The following APOO variants were observed in gnomAD, a reference collection of about 807,000 sequenced individuals.
APOO encodes the protein apolipoprotein O.
Under a neutral mutation model 23.1 loss-of-function variants are expected in APOO, and 11 were observed. That is an observed-to-expected ratio of 0.48 (90% CI 0.30 to 0.79). The LOEUF is 0.79. APOO is among the 30% of genes least tolerant of loss of function. The pLI is 0.07. For missense variants in APOO, 160 were observed against 142.7 expected, an observed-to-expected ratio of 1.12 and a Z score of -0.62; for synonymous variants, 59 against 54.8, an observed-to-expected ratio of 1.08 and a Z score of -0.34.
At chrX:23,882,014 G>A (rs1926170099) in intron 1 of APOO, among the ~76,000 whole-genome samples, 1 of 108,085 alleles carries the variant, frequency 9.3e-6, no homozygotes, top group Non-Finnish European at 1.9e-5. Flanking sequence ...CAGTTTTCTA[G>A]GAGGGACGTT....
At chrX:23,845,892 G>T (rs1465788162) in intron 7 of APOO, among the ~76,000 whole-genome samples, 1 of 111,957 alleles carries the variant, frequency 8.9e-6, no homozygotes, top group Non-Finnish European at 1.9e-5. Flanking sequence ...AATAATTAGT[G>T]TTGGCCTTCA....
chrX:23,898,857 C>T (rs890053180), intron 1 of APOO, among the ~76,000 whole-genome samples: 1 of 112,199 alleles, frequency 8.9e-6, no homozygotes, highest in African/African-American at 3.2e-5. Flanking sequence ...TCATTTTCAG[C>T]AAGCACAAAC....
At chrX:23,858,544 GTGT>G in intron 6 of APOO, 95 bp downstream of exon 6, 1 of 810,380 alleles carries the variant, frequency 1.2e-6, no homozygotes, top group East Asian at 3.3e-5. Flanking sequence ...TTTTAGTCTG[GTGT>G]TATAAGAACT....
intron 7 of APOO, 50 bp from the exon 8 acceptor site, chrX:23,840,427 C>T (rs747447350): frequency 1.9e-6 from 2 of 1,079,960 alleles, no homozygotes; most frequent in Non-Finnish European, 2.5e-6. Flanking sequence ...AGAAATAGTG[C>T]AACTCCTTAG....
chrX:23,849,937 T>C lies in APOO; in HGVS notation c.561+6365A>G, dbSNP rs149163463. On this transcript the variant is annotated intron_variant, in intron 7 of 8. Transcript: ENST00000379226. ...AAAGTTGTTTAAGGCAAGTACATTA[T>C]TGGGGCAACTAGGGAAATTTGAACA... is the stretch of plus-strand genomic sequence containing the variant. 8.6e-3 allele frequency among the ~76,000 whole-genome samples: 950 copies of C among 110,297 alleles called. 7 individuals are homozygous for C. Among genetic ancestry groups the C allele is most frequent in the African/African-American group, 0.029 (873 of 30,422 alleles).
Position 23,835,138 on chromosome X carries a change from C to T in APOO, c.*30-1526G>A, listed in dbSNP as rs1012576298. On this transcript the variant is annotated intron_variant, in intron 8 of 8. Coordinates refer to ENST00000379226, the MANE Select transcript of APOO (RefSeq NM_024122.5). ...GTACAGTGGCGTCCTCTCGGTTCAC[C>T]GCAACCTCCATCTCCCGGGTTCAAG... 8.1e-4 allele frequency among the ~76,000 whole-genome samples: 87 copies of T among 106,815 alleles called. 1 individual carries two copies. Among genetic ancestry groups the T allele is most frequent in the African/African-American group, 2.8e-3 (81 of 29,179 alleles). 92.8% of individuals were successfully genotyped at this position (106,815 alleles called of 115,157 possible).
At chrX:23,868,289 T>A (rs991040837) in intron 5 of APOO, among the ~76,000 whole-genome samples, 2 of 112,372 alleles carry the variant, frequency 1.8e-5, no homozygotes, top group Admixed American at 9.5e-5. Flanking sequence ...GTGAAACGTT[T>A]AGAAACAGTT....
intron 4 of APOO, among the ~76,000 whole-genome samples, chrX:23,869,010 G>C (rs183630252): frequency 9.3e-6 from 1 of 107,703 alleles, no homozygotes; most frequent in Non-Finnish European, 1.9e-5. Context: ...CCAGGTTCAA[G>C]CAATTCTCCT....
rs771631776 is a variant in APOO at position 23,865,420 on chromosome X, A to G, written c.388+3173T>C. Among the ~76,000 whole-genome samples the G allele has an allele frequency of 4.4e-3, 487 of 110,347 alleles. 1 individual carries two copies. Among genetic ancestry groups the G allele is most frequent in the Non-Finnish European group, 7.1e-3 (374 of 52,781 alleles). ...GGAGTTCGAGACAAGCCTGGTCAAC[A>G]TGGTGAAACCTCGTGTCTACTAAAA... On this transcript the variant is annotated intron_variant, in intron 5 of 8. Coordinates refer to ENST00000379226, the MANE Select transcript of APOO (RefSeq NM_024122.5).
At chrX:23,895,138 CAA>C (rs777554795) in intron 1 of APOO, among the ~76,000 whole-genome samples, 3 of 86,402 alleles carry the variant, frequency 3.5e-5, no homozygotes, top group Admixed American at 1.3e-4. Flanking sequence ...GACTCCGCCT[CAA>C]AAAAAAAAAA....
chrX:23,869,413 A>G (rs1451175341), intron 4 of APOO, among the ~76,000 whole-genome samples: 1 of 110,333 alleles, frequency 9.1e-6, no homozygotes, highest in Non-Finnish European at 1.9e-5. Flanking sequence ...CTTTGGATAG[A>G]TCTATTGCTA....
intron 1 of APOO, among the ~76,000 whole-genome samples, chrX:23,882,837 G>C (rs912366545): frequency 9.0e-6 from 1 of 110,760 alleles, no homozygotes; most frequent in Non-Finnish European, 1.9e-5. Context: ...TGTAGAGACA[G>C]GGTTTTGCCA....
rs1215835629 is a variant in APOO, at chrX:23,834,395, C to CAAA, written c.*30-786_*30-784dup. 2.7e-3 allele frequency among the ~76,000 whole-genome samples: 87 copies of CAAA among 31,892 alleles called. 1 individual carries two copies. The highest frequency in any genetic ancestry group is 7.9e-3 in the African/African-American group (77 of 9,714). 27.7% of individuals were successfully genotyped at this position (31,892 alleles called of 115,157 possible). A position where few individuals can be genotyped will look rare whatever the true frequency, so the allele number is the denominator to read the frequency against. ...TGGGCAACAGAGCAAAACTCTGTCTCAAAAAAAAAAAAAAAAAAAAGATTT... is the reference window on the plus strand; with the variant it reads ...TGGGCAACAGAGCAAAACTCTGTCTCAAAAAAAAAAAAAAAAAAAAAAAGATTT... On this transcript the variant is annotated intron_variant, in intron 8 of 8. Coordinates refer to ENST00000379226, the MANE Select transcript of APOO (RefSeq NM_024122.5).
At chrX:23,893,194 G>A (rs1926746840) in intron 1 of APOO, among the ~76,000 whole-genome samples, 1 of 107,415 alleles carries the variant, frequency 9.3e-6, no homozygotes, top group Non-Finnish European at 1.9e-5. Flanking sequence ...GAAGCGGGCA[G>A]ATCACGAGGT....
chrX:23,883,208 C>A (rs181076203), intron 1 of APOO, among the ~76,000 whole-genome samples: 4 of 111,726 alleles, frequency 3.6e-5, no homozygotes, highest in Non-Finnish European at 7.5e-5. Flanking sequence ...TGAGGACAGG[C>A]ATTTCTGTTT....
At chrX:23,857,950 A>G (rs1924850726) in intron 6 of APOO, among the ~76,000 whole-genome samples, 1 of 111,532 alleles carries the variant, frequency 9.0e-6, no homozygotes, top group Non-Finnish European at 1.9e-5. Flanking sequence ...TTACTCCCAG[A>G]GCTTCTGATT....
chrX:23,856,507 G>T, intron 6 of APOO, 125 bp from the exon 7 acceptor site: 1 of 460,183 alleles, frequency 2.2e-6, no homozygotes, highest in Non-Finnish European at 3.5e-6. Context: ...ATAGCACTAT[G>T]CATAATAGCA....
intron 7 of APOO, among the ~76,000 whole-genome samples, chrX:23,852,309 A>AAAC: frequency 9.0e-6 from 1 of 110,599 alleles, no homozygotes. Flanking sequence ...ATTAGAATAC[A>AAAC]AACAATTGGC....
chrX:23,838,706 C>A (rs1057253775), intron 8 of APOO, among the ~76,000 whole-genome samples: 3 of 111,007 alleles, frequency 2.7e-5, no homozygotes, highest in Non-Finnish European at 5.7e-5. Context: ...GCGTGAGCCA[C>A]CACACCCGGC....
Sources: gnomAD v4.1 joint callset for allele counts (sites outside exome capture counted in the v4.1 genomes callset) on GRCh38, gnomAD v4.1.1 for gene constraint, MANE v1.5 for transcripts, NCBI Gene and HGNC (gene_info 2026-07-23, HGNC 2026-07-21) for gene names.